PDE3B: variants seen among roughly 807,000 people sequenced by gnomAD.
PDE3B encodes the protein phosphodiesterase 3B.
Under a neutral mutation model 116.8 loss-of-function variants are expected in PDE3B, and 66 were observed. The ratio of observed to expected loss-of-function variants is 0.56; its 90% CI spans 0.46 to 0.69. PDE3B has a LOEUF of 0.69. PDE3B is among the 30% of genes least tolerant of loss of function. The probability of loss-of-function intolerance (pLI) is 0.00; values close to 1 mark genes in which losing one functional copy is unlikely to be tolerated. For missense variants in PDE3B, 1,384 were observed against 1,368.1 expected (o/e 1.01, Z -0.18); for synonymous variants, 595 against 533.6 (o/e 1.12, Z -1.59).
chr11:14,744,904 T>A (rs1027186501), intron 1 of PDE3B, among the ~76,000 whole-genome samples: 3 of 152,244 alleles, frequency 2.0e-5, no homozygotes, highest in Non-Finnish European at 4.4e-5. Flanking sequence ...AGGGTTATAA[T>A]TTAGCTCAGT....
intron 14 of PDE3B, among the ~76,000 whole-genome samples, chr11:14,866,158 A>G (rs1555008008): frequency 6.6e-6 from 1 of 152,226 alleles, no homozygotes; most frequent in East Asian, 1.9e-4. Flanking sequence ...AGTTTCTGAT[A>G]CATAAGTGCT....
intron 1 of PDE3B, among the ~76,000 whole-genome samples, chr11:14,686,196 G>A (rs771256985): frequency 1.5e-4 from 23 of 151,838 alleles, no homozygotes; most frequent in Non-Finnish European, 2.2e-4. Context: ...ATTTTTTTAC[G>A]TTCTTCCTAT....
the PDE3B span, chr11:14,891,930 GC>G: frequency 3.1e-6 from 5 of 1,588,366 alleles, no homozygotes; most frequent in Non-Finnish European, 4.3e-6. Flanking sequence ...GCCCTGGCCA[GC>G]CCGGGCCAGC....
intron 1 of PDE3B, among the ~76,000 whole-genome samples, chr11:14,657,071 TTAAAGA>T (rs1853735839): frequency 6.6e-6 from 1 of 152,174 alleles, no homozygotes; most frequent in Non-Finnish European, 1.5e-5. Context: ...AGTTTCAGAG[TTAAAGA>T]TTAAGAACCT....
chr11:14,763,413 A>G (rs1284278233), intron 1 of PDE3B, among the ~76,000 whole-genome samples: 1 of 152,120 alleles, frequency 6.6e-6, no homozygotes, highest in African/African-American at 2.4e-5. Flanking sequence ...AAGAACTAGA[A>G]ACAACCAATA....
chr11:14,725,369 CTCCTTTCT>C, intron 1 of PDE3B, among the ~76,000 whole-genome samples: 2 of 144,716 alleles, frequency 1.4e-5, no homozygotes, highest in Non-Finnish European at 3.0e-5. Flanking sequence ...CTCTCTCTTT[CTCCTTTCT>C]TCCTTCCTTC....
chr11:14,879,265 G>A, the PDE3B span: 1 of 1,613,182 alleles, frequency 6.2e-7, no homozygotes, highest in Non-Finnish European at 8.5e-7. Flanking sequence ...CTTTAGGAAT[G>A]GAATAACCAC....
chr11:14,674,304 A>C, intron 1 of PDE3B: 2 of 1,014,290 alleles, frequency 2.0e-6, no homozygotes, highest in Non-Finnish European at 3.1e-6. Context: ...TCCCCTCTGC[A>C]TACTGCTCCT....
chr11:14,703,532 T>C (rs1457330195), intron 1 of PDE3B, among the ~76,000 whole-genome samples: 1 of 151,670 alleles, frequency 6.6e-6, no homozygotes, highest in African/African-American at 2.4e-5. Context: ...TTGCTGTGTT[T>C]AGGTGGCTAC....
intron 1 of PDE3B, among the ~76,000 whole-genome samples, chr11:14,765,072 G>A (rs1857460037): frequency 6.6e-6 from 1 of 151,542 alleles, no homozygotes; most frequent in Non-Finnish European, 1.5e-5. Context: ...TTTTTTATTA[G>A]GCCTAAGTTG....
rs767324597 is a variant in PDE3B, at chr11:14,789,122, G to C, written c.1295G>C (p.Ser432Thr). 2 of 1,609,324 alleles carry C rather than the reference G, an allele frequency of 1.2e-6. No homozygotes were observed. The highest frequency in any genetic ancestry group is 1.7e-6 in the Non-Finnish European group (2 of 1,177,430). ...ATTCAACAGGGACTAAATAGGAATA[G>C]TTTGCCAACTCCACAGCTGAGGAGA... ...RKLNKGLNRN[S>T]LPTPQLRRSS... is the part of the protein sequence containing the mutation. The change falls in exon 4 of 16, where the codon AGT becomes ACT. Residue 432 changes from serine (S) to threonine (T), a missense_variant. Physicochemically the swap from Ser to Thr is moderately conservative, Grantham distance 58. Transcript: ENST00000282096.
intron 8 of PDE3B, among the ~76,000 whole-genome samples, chr11:14,831,303 GT>G (rs540595470): frequency 6.6e-6 from 1 of 151,062 alleles, no homozygotes. Context: ...TAAGGATATG[GT>G]TTTTTTTCCT....
intron 2 of PDE3B, among the ~76,000 whole-genome samples, chr11:14,782,690 A>G (rs950654575): frequency 6.6e-6 from 1 of 152,242 alleles, no homozygotes; most frequent in Non-Finnish European, 1.5e-5. Context: ...CATTCAAGAC[A>G]TAGGCATGGG....
chr11:14,785,363 A>G (rs1229001492), intron 2 of PDE3B, among the ~76,000 whole-genome samples: 2 of 152,124 alleles, frequency 1.3e-5, no homozygotes, highest in African/African-American at 2.4e-5. Flanking sequence ...AAACTAATAC[A>G]TATTAACACT....
chr11:14,764,279 C>T (rs1202857433), intron 1 of PDE3B, among the ~76,000 whole-genome samples: 1 of 152,088 alleles, frequency 6.6e-6, no homozygotes, highest in Non-Finnish European at 1.5e-5. Flanking sequence ...CTCCTCAACT[C>T]TATTTTTCTG....
intron 1 of PDE3B, among the ~76,000 whole-genome samples, chr11:14,669,818 G>A (rs894432637): frequency 6.6e-6 from 1 of 152,054 alleles, no homozygotes; most frequent in Non-Finnish European, 1.5e-5. Context: ...AAAGGGTAGA[G>A]GAGTATTGAA....
At chr11:14,835,643 C>T (rs1387032226) in intron 11 of PDE3B, among the ~76,000 whole-genome samples, 10 of 151,976 alleles carry the variant, frequency 6.6e-5, no homozygotes, top group African/African-American at 2.2e-4. Context: ...TGAATCATAA[C>T]ATTTATAGTT....
intron 6 of PDE3B, 138 bp from the exon 7 acceptor site, chr11:14,818,998 A>G: frequency 1.9e-6 from 1 of 525,818 alleles, no homozygotes. Context: ...AAGCCTTTGA[A>G]CTTTATGGAG....
rs191642009 is a variant in PDE3B at position 14,658,304 on chromosome 11, T to C, written c.978+13251T>C. Among the ~76,000 whole-genome samples, 12 of 152,292 alleles carry C rather than the reference T, an allele frequency of 7.9e-5. No homozygotes were observed. The East Asian group carries it at 1.9e-3, about 25-fold the overall frequency. On this transcript the variant is annotated intron_variant, in intron 1 of 15. Coordinates refer to ENST00000282096, the MANE Select transcript of PDE3B (RefSeq NM_000922.4). ...CTCTCAACACGATAATAGAAAAAGC[T>C]ATTTGAAATTCTGACATCTTTTAGA... is the stretch of plus-strand genomic sequence containing the variant.
Sources: gnomAD v4.1 joint callset for allele counts (sites outside exome capture counted in the v4.1 genomes callset) on GRCh38, gnomAD v4.1.1 for gene constraint, MANE v1.5 for transcripts, NCBI Gene and HGNC (gene_info 2026-07-23, HGNC 2026-07-21) for gene names.